Variants in GPM6A observed in about 807,000 individuals in gnomAD.
GPM6A encodes the protein glycoprotein M6A.
A neutral mutation model predicts 32.1 loss-of-function variants in GPM6A; 7 were observed. The ratio of observed to expected loss-of-function variants is 0.22; its 90% CI spans 0.12 to 0.41. The LOEUF (loss-of-function observed/expected upper bound fraction) is 0.41, where lower values mean the gene tolerates loss of function less well. GPM6A is among the 10% of genes least tolerant of loss of function. GPM6A has a pLI of 1.00. For missense variants in GPM6A, 235 were observed against 347.2 expected (o/e 0.68, Z 2.57); for synonymous variants, 130 against 123.4 (o/e 1.05, Z -0.35).
At chr4:175,714,021 T>C (rs1477053044) in intron 1 of GPM6A, among the ~76,000 whole-genome samples, 1 of 152,184 alleles carries the variant, frequency 6.6e-6, no homozygotes, top group African/African-American at 2.4e-5. Context: ...TAATATCTTT[T>C]AATTTTTTTG....
chr4:175,642,572 C>T (rs1041223445), intron 4 of GPM6A, among the ~76,000 whole-genome samples: 2 of 152,070 alleles, frequency 1.3e-5, no homozygotes, highest in African/African-American at 4.8e-5. Flanking sequence ...CAGTTGATGC[C>T]CACCTTTTCC....
At chr4:175,898,961 T>A (rs573429872) in intron 1 of GPM6A, among the ~76,000 whole-genome samples, 1 of 152,298 alleles carries the variant, frequency 6.6e-6, no homozygotes, top group South Asian at 2.1e-4. Context: ...AAATAATGAA[T>A]AAACAGACAA....
At position 175,732,523 on chromosome 4, in the gene GPM6A, A is replaced by G. The variant is rs537713850; in HGVS notation, c.38-30756T>C. Among the ~76,000 whole-genome samples, 210 of 152,322 alleles carry G rather than the reference A, an allele frequency of 1.4e-3. 2 individuals are homozygous for G. Among genetic ancestry groups the G allele is most frequent in the Non-Finnish European group, 9.7e-4 (66 of 68,028 alleles). ...ATTTATCTATATAATCTGAAAAAGCATGGGATTTTGGAAGACTAATATTTG... is the reference window on the plus strand; with the variant it reads ...ATTTATCTATATAATCTGAAAAAGCGTGGGATTTTGGAAGACTAATATTTG... On this transcript the variant is annotated intron_variant, in intron 1 of 6. Coordinates refer to ENST00000393658, the MANE Select transcript of GPM6A (RefSeq NM_201591.3).
At chr4:175,922,064 C>A (rs77811904) in intron 1 of GPM6A, among the ~76,000 whole-genome samples, 4 of 152,220 alleles carry the variant, frequency 2.6e-5, no homozygotes, top group Non-Finnish European at 4.4e-5. Flanking sequence ...GCTTGCCTAC[C>A]TAATACTTAC....
In GPM6A at chr4:175,948,015, C is replaced by CTAGCAA. The variant is rs371607987; in HGVS notation, c.-23+54288_-23+54293dup. Among the ~76,000 whole-genome samples the CTAGCAA allele has an allele frequency of 4.9e-3, 738 of 152,048 alleles. 7 individuals carry two copies. The highest frequency in any genetic ancestry group is 0.016 in the African/African-American group (669 of 41,392). On this transcript the variant is annotated intron_variant, in intron 1 of 7. Transcript: ENST00000280187. ...GCAACACTATATGCCAACATAGCAC[C>CTAGCAA]TAGCAATAGCAATAGCAATAGCAAT...
chr4:175,991,035 T>C (rs190988551), intron 1 of GPM6A, among the ~76,000 whole-genome samples: 34 of 152,006 alleles, frequency 2.2e-4, no homozygotes, highest in Admixed American at 9.2e-4. Context: ...AAAATTTCAT[T>C]CTTCTTTTTA....
intron 1 of GPM6A, among the ~76,000 whole-genome samples, chr4:175,733,128 T>TA (rs911281600): frequency 6.6e-6 from 1 of 152,182 alleles, no homozygotes; most frequent in Admixed American, 6.5e-5. Flanking sequence ...CTGTTTTTTT[T>TA]AAAGACAGTC....
chr4:175,990,127 T>C (rs1455205348), intron 1 of GPM6A, among the ~76,000 whole-genome samples: 2 of 152,244 alleles, frequency 1.3e-5, no homozygotes, highest in African/African-American at 4.8e-5. Flanking sequence ...TCTTGATGAC[T>C]CCTTCCTCTC....
intron 2 of GPM6A, among the ~76,000 whole-genome samples, chr4:175,689,388 T>C (rs528179560): frequency 6.6e-6 from 1 of 152,326 alleles, no homozygotes; most frequent in South Asian, 2.1e-4. Context: ...CTTTCAAGAA[T>C]GTTTTACAAT....
At chr4:175,856,940 A>G (rs1438293605) in intron 1 of GPM6A, among the ~76,000 whole-genome samples, 1 of 152,146 alleles carries the variant, frequency 6.6e-6, no homozygotes, top group African/African-American at 2.4e-5. Context: ...TTCGGGCAGG[A>G]AAACAGGAAT....
intron 1 of GPM6A, among the ~76,000 whole-genome samples, chr4:175,789,848 G>T (rs919137137): frequency 1.3e-5 from 2 of 152,136 alleles, no homozygotes; most frequent in Non-Finnish European, 2.9e-5. Context: ...ATGTGCCTTT[G>T]TATGCCATCT....
intron 1 of GPM6A, among the ~76,000 whole-genome samples, chr4:175,746,743 G>A (rs1332587892): frequency 6.6e-6 from 1 of 151,990 alleles, no homozygotes; most frequent in Non-Finnish European, 1.5e-5. Context: ...AGATGATAAG[G>A]CTATCTTCTG....
intron 1 of GPM6A, among the ~76,000 whole-genome samples, chr4:175,887,050 T>C (rs917960283): frequency 6.6e-6 from 1 of 152,032 alleles, no homozygotes; most frequent in Admixed American, 6.6e-5. Flanking sequence ...AAGTCATTGT[T>C]ATAGAATACA....
chr4:175,816,657 T>G (rs985086856), upstream of GPM6A, among the ~76,000 whole-genome samples: 5 of 152,172 alleles, frequency 3.3e-5, no homozygotes, highest in African/African-American at 4.8e-5. Flanking sequence ...GCCCAGTGCA[T>G]AGGACTAACA....
rs75145601 is a variant in GPM6A at position 175,826,173 on chromosome 4, A to C, written c.-22-13924T>G. 9.7e-4 allele frequency among the ~76,000 whole-genome samples: 141 copies of C among 145,926 alleles called. 1 individual carries two copies. The highest frequency in any genetic ancestry group is 3.6e-3 in the African/African-American group (136 of 38,156). On this transcript the variant is annotated intron_variant, in intron 1 of 7. Transcript: ENST00000280187. ...AGACACTGTCTCAAAACAAACAAAC[A>C]AACAAAAAAACTGTCTCTTATCATT...
intron 1 of GPM6A, among the ~76,000 whole-genome samples, chr4:175,785,628 C>A (rs1384553216): frequency 2.0e-5 from 3 of 152,088 alleles, no homozygotes. Flanking sequence ...AGAAGAAACC[C>A]CTTTTTTAGC....
At chr4:175,657,491 T>C (rs1239323674) in intron 3 of GPM6A, among the ~76,000 whole-genome samples, 1 of 152,090 alleles carries the variant, frequency 6.6e-6, no homozygotes, top group Non-Finnish European at 1.5e-5. Context: ...ATCTCAGGAG[T>C]ACATGTGTTG....
At chr4:175,773,041 G>T (rs540415401) in intron 1 of GPM6A, among the ~76,000 whole-genome samples, 1 of 152,272 alleles carries the variant, frequency 6.6e-6, no homozygotes, top group South Asian at 2.1e-4. Context: ...TTCAATTTGT[G>T]TAATCTTCAT....
At chr4:175,954,562 C>G (rs1027090103) in intron 1 of GPM6A, among the ~76,000 whole-genome samples, 1 of 152,038 alleles carries the variant, frequency 6.6e-6, no homozygotes, top group Admixed American at 6.5e-5. Flanking sequence ...TTTTTCCACC[C>G]GAAGAGTCAA....
Sources: gnomAD v4.1 joint callset for allele counts (sites outside exome capture counted in the v4.1 genomes callset) on GRCh38, gnomAD v4.1.1 for gene constraint, MANE v1.5 for transcripts, NCBI Gene and HGNC (gene_info 2026-07-23, HGNC 2026-07-21) for gene names.